Variants in AGO3 observed in about 807,000 individuals in gnomAD.
AGO3 encodes argonaute RISC catalytic component 3, also known as protein argonaute-3.
In AGO3, 16 loss-of-function variants were observed where a neutral mutation model predicts 105.5. The ratio of observed to expected loss-of-function variants is 0.15; its 90% CI spans 0.10 to 0.23. The LOEUF (loss-of-function observed/expected upper bound fraction) is 0.23, where lower values mean the gene tolerates loss of function less well. Ranked by LOEUF, AGO3 falls within the 10% of genes least tolerant of loss-of-function variation. The pLI, the probability that AGO3 is intolerant of heterozygous loss-of-function variation, is 1.00. For synonymous variants in AGO3, 340 were observed against 367.3 expected (o/e 0.93, Z 0.85); for missense variants, 534 against 1,088.0 (o/e 0.49, Z 7.16).
intron 6 of AGO3, among the ~76,000 whole-genome samples, chr1:36,004,947 A>G (rs934870254): frequency 6.6e-6 from 1 of 152,282 alleles, no homozygotes; most frequent in East Asian, 1.9e-4. Flanking sequence ...TTCTAGAATT[A>G]TAGTTATTTA....
intron 2 of AGO3, among the ~76,000 whole-genome samples, chr1:35,951,374 T>A (rs1180315950): frequency 6.6e-6 from 1 of 152,196 alleles, no homozygotes; most frequent in Non-Finnish European, 1.5e-5. Context: ...CATATTGATA[T>A]AATGTTTAAT....
intron 5 of AGO3, among the ~76,000 whole-genome samples, chr1:35,984,922 A>C (rs965441457): frequency 3.3e-5 from 5 of 152,204 alleles, no homozygotes; most frequent in African/African-American, 1.2e-4. Context: ...AGATATTATA[A>C]AACTTTATTG....
At chr1:36,002,273 C>T (rs1264920743) in intron 5 of AGO3, among the ~76,000 whole-genome samples, 2 of 150,562 alleles carry the variant, frequency 1.3e-5, no homozygotes, top group Admixed American at 6.6e-5. Flanking sequence ...GCACCTTGGG[C>T]TCCCAAACTG....
chr1:36,067,431 C>T lies in AGO3; in HGVS notation c.*11686C>T, dbSNP rs1429214492. 1 of 152,158 alleles carries T rather than the reference C, an allele frequency of 6.6e-6. No individual in the cohort carries two copies. The highest frequency in any genetic ancestry group is 2.4e-5 in the African/African-American group (1 of 41,422). 9.4% of individuals were successfully genotyped at this position (152,158 alleles called of 1,614,324 possible). A position where few individuals can be genotyped will look rare whatever the true frequency, so the allele number is the denominator to read the frequency against. On this transcript the variant is annotated 3_prime_UTR_variant, in exon 19 of 19. Coordinates refer to ENST00000373191, the MANE Select transcript of AGO3 (RefSeq NM_024852.4). ...CCTCTTTAAAAAAGAAAGAATAGGC[C>T]GGGAGCAGTGGCTCATGCCTGCAAT...
At chr1:35,941,316 T>A (rs1646249952) in intron 1 of AGO3, among the ~76,000 whole-genome samples, 1 of 152,118 alleles carries the variant, frequency 6.6e-6, no homozygotes, top group Non-Finnish European at 1.5e-5. Context: ...ACATTATCTT[T>A]CACCTAGACA....
At chr1:35,966,542 A>G (rs929532631) in intron 2 of AGO3, among the ~76,000 whole-genome samples, 4 of 152,236 alleles carry the variant, frequency 2.6e-5, no homozygotes, top group African/African-American at 9.6e-5. Context: ...TTGAAAATAT[A>G]TAATCATTAT....
At chr1:36,013,791 G>T (rs768839968) in intron 10 of AGO3, 39 bp downstream of exon 10, 172 of 1,606,932 alleles carry the variant, frequency 1.1e-4, no homozygotes, top group Non-Finnish European at 1.4e-4. Context: ...TACACATATT[G>T]TCTGTAAGTA....
chr1:36,005,519 A>G (rs531429298), intron 6 of AGO3, among the ~76,000 whole-genome samples: 6 of 152,148 alleles, frequency 3.9e-5, no homozygotes, highest in Non-Finnish European at 8.8e-5. Flanking sequence ...CAACCATACC[A>G]TTGTCCTTTC....
At chr1:36,046,865 G>T (rs187046238) in intron 17 of AGO3, among the ~76,000 whole-genome samples, 279 of 152,226 alleles carry the variant, frequency 1.8e-3, no homozygotes, top group Non-Finnish European at 2.6e-3. Flanking sequence ...TGCCCTGGAA[G>T]ATCTGAGCAG....
At chr1:35,950,297 A>G (rs1028516979) in intron 2 of AGO3, among the ~76,000 whole-genome samples, 5 of 152,212 alleles carry the variant, frequency 3.3e-5, no homozygotes, top group African/African-American at 1.2e-4. Flanking sequence ...ATGTTTTAAT[A>G]CTTAAATTAT....
intron 9 of AGO3, among the ~76,000 whole-genome samples, chr1:36,011,090 A>C (rs1640591188): frequency 6.6e-6 from 1 of 152,206 alleles, no homozygotes; most frequent in Non-Finnish European, 1.5e-5. Flanking sequence ...CTCATAGAGT[A>C]AGGCAAAACT....
At chr1:36,046,055 C>A (rs891016737) in intron 17 of AGO3, among the ~76,000 whole-genome samples, 3 of 152,176 alleles carry the variant, frequency 2.0e-5, no homozygotes, top group Admixed American at 6.5e-5. Context: ...AGGATCCCAG[C>A]AATCCCCATC....
chr1:36,015,473 C>T (rs1431602339), intron 11 of AGO3, among the ~76,000 whole-genome samples: 1 of 152,208 alleles, frequency 6.6e-6, no homozygotes, highest in Non-Finnish European at 1.5e-5. Flanking sequence ...CCCCTTTCGC[C>T]TCCTTGGAGG....
chr1:35,995,408 G>T (rs571846246), intron 5 of AGO3, among the ~76,000 whole-genome samples: 3 of 151,728 alleles, frequency 2.0e-5, no homozygotes, highest in Admixed American at 2.0e-4. Context: ...GTGATACTGG[G>T]GTAAAGATTG....
Position 36,013,677 on chromosome 1 carries a change from A to G in AGO3, c.1197A>G (p.Gln399=). 1 of 1,614,190 alleles carries G rather than the reference A, an allele frequency of 6.2e-7. No homozygotes were observed. Among genetic ancestry groups the G allele is most frequent in the South Asian group, 1.1e-5 (1 of 91,086 alleles). ...YETDPFVQEF[Q]FKVRDEMAHV... ...CAGATCCATTTGTTCAGGAGTTTCA[A>G]TTTAAAGTTCGGGATGAAATGGCTC... The change falls in exon 10 of 19, where the codon CAA becomes CAG. Residue 399 remains glutamine, a synonymous_variant. Coordinates refer to ENST00000373191, the MANE Select transcript of AGO3 (RefSeq NM_024852.4).
rs1642992870 is a variant in AGO3 at position 36,059,119 on chromosome 1, A to G, written c.*3374A>G. ...GAAGGACTTTTTTAAGAGGAAAAATATTTTTTCTAAATTATAAAGCTTTAC... is the reference window on the plus strand; with the variant it reads ...GAAGGACTTTTTTAAGAGGAAAAATGTTTTTTCTAAATTATAAAGCTTTAC... On this transcript the variant is annotated 3_prime_UTR_variant, in exon 19 of 19. Transcript: ENST00000373191. The G allele has an allele frequency of 6.6e-6, 1 of 152,028 alleles. No individual in the cohort carries two copies. Among genetic ancestry groups the G allele is most frequent in the Admixed American group, 6.6e-5 (1 of 15,260 alleles). The allele number at this position is 152,028 out of a possible 1,614,324, so 9.4% of individuals were successfully genotyped here. A position where few individuals can be genotyped will look rare whatever the true frequency, so the allele number is the denominator to read the frequency against.
At position 36,069,042 on chromosome 1, in the gene AGO3, TG is replaced by T. The variant is rs1643129577; in HGVS notation, c.*13298del. The T allele has an allele frequency of 2.0e-5, 3 of 152,250 alleles. No homozygotes were observed. Among genetic ancestry groups the T allele is most frequent in the Non-Finnish European group, 4.4e-5 (3 of 68,058 alleles). 9.4% of individuals were successfully genotyped at this position (152,250 alleles called of 1,614,324 possible). On this transcript the variant is annotated 3_prime_UTR_variant, in exon 19 of 19. Coordinates refer to ENST00000373191, the MANE Select transcript of AGO3 (RefSeq NM_024852.4). ...TTAGGCAATTCGTTTAATCTCTGTGTGCCTAGTTTCCCCTTGTAAATAAGAG... is the reference window on the plus strand; with the variant it reads ...TTAGGCAATTCGTTTAATCTCTGTGTCCTAGTTTCCCCTTGTAAATAAGAG...
In AGO3 at chr1:35,966,974, G is replaced by T; in HGVS notation, c.211G>T (p.Val71Phe). 2.5e-6 allele frequency: 4 copies of T among 1,612,650 alleles called. No individual in the cohort carries two copies. Among genetic ancestry groups the T allele is most frequent in the Non-Finnish European group, 3.4e-6 (4 of 1,179,504 alleles). ...CTTTAGGGAGGTGGTTGACTCAATG[G>T]TTCAGCATTTTAAAGTAACTATATT... The part of the protein sequence containing the change: ...RVNREVVDSM[V>F]QHFKVTIFGD... Residue 71 changes from valine to phenylalanine, a missense_variant, in exon 3 of 19, where the codon GTT (valine) becomes TTT (phenylalanine). Physicochemically the swap from Val to Phe is conservative, Grantham distance 50 (BLOSUM62 -1). Coordinates refer to ENST00000373191, the MANE Select transcript of AGO3 (RefSeq NM_024852.4).
chr1:35,979,092 C>G (rs1375362897), intron 5 of AGO3, among the ~76,000 whole-genome samples: 1 of 152,046 alleles, frequency 6.6e-6, no homozygotes, highest in African/African-American at 2.4e-5. Context: ...TGGCTGGGCG[C>G]GGTGGCTCAT....
Sources: gnomAD v4.1 joint callset for allele counts (sites outside exome capture counted in the v4.1 genomes callset) on GRCh38, gnomAD v4.1.1 for gene constraint, MANE v1.5 for transcripts, NCBI Gene and HGNC (gene_info 2026-07-23, HGNC 2026-07-21) for gene names.